The following SAMD5 variants were observed in gnomAD, a reference collection of about 807,000 sequenced individuals.
The protein encoded by SAMD5 is sterile alpha motif domain containing 5.
A neutral mutation model predicts 11.3 loss-of-function variants in SAMD5; 13 were observed. That is an observed-to-expected ratio of 1.15 (90% CI 0.75 to 1.83). The LOEUF is 1.83. Among genes scored for constraint, SAMD5 ranks in the 40% most tolerant of loss-of-function variants. The pLI is 0.00. For missense variants in SAMD5, 255 were observed against 239.1 expected (o/e 1.07, Z -0.44); for synonymous variants, 129 against 111.3 (o/e 1.16, Z -1.00).
intron 1 of SAMD5, among the ~76,000 whole-genome samples, chr6:147,661,812 G>A (rs1481606026): frequency 2.6e-5 from 4 of 151,866 alleles, no homozygotes; most frequent in Non-Finnish European, 4.4e-5. Flanking sequence ...TGTATTTTTC[G>A]TAGAAACGGG....
the SAMD5 span, among the ~76,000 whole-genome samples, chr6:147,835,163 G>A: frequency 1.3e-5 from 2 of 151,210 alleles, no homozygotes; most frequent in Non-Finnish European, 2.9e-5. Context: ...AACCTGGGAG[G>A]TGGAGGTTGC....
the SAMD5 span, among the ~76,000 whole-genome samples, chr6:147,798,178 C>A: frequency 6.8e-6 from 1 of 146,600 alleles, no homozygotes; most frequent in African/African-American, 2.6e-5. Context: ...AATTTTGGAT[C>A]TTTCCTGCTT....
At chr6:147,531,906 G>A (rs916374611) in intron 1 of SAMD5, among the ~76,000 whole-genome samples, 1 of 152,050 alleles carries the variant, frequency 6.6e-6, no homozygotes, top group Non-Finnish European at 1.5e-5. Flanking sequence ...GGAAATAGGA[G>A]AATTATACTC....
In SAMD5 at chr6:147,685,366, A is replaced by C. The variant is rs759978309; in HGVS notation, c.163-51951A>C. Among the ~76,000 whole-genome samples, 144 of 151,926 alleles carry C rather than the reference A, an allele frequency of 9.5e-4. 1 individual carries two copies. The highest frequency in any genetic ancestry group is 1.8e-3 in the East Asian group (9 of 5,136). On this transcript the variant is annotated intron_variant, in intron 1 of 1. Coordinates refer to the SAMD5 transcript ENST00000566741. ...TGTTTGTATTTTTAGTAGAGACAGGATTTCACCATGTTGCCAAGGCTGGTC... is the reference window on the plus strand; with the variant it reads ...TGTTTGTATTTTTAGTAGAGACAGGCTTTCACCATGTTGCCAAGGCTGGTC...
intron 1 of SAMD5, among the ~76,000 whole-genome samples, chr6:147,723,629 G>A (rs1363636880): frequency 6.6e-6 from 1 of 152,024 alleles, no homozygotes; most frequent in East Asian, 1.9e-4. Context: ...CTCATGTCTG[G>A]GGCTCCTGAT....
the SAMD5 span, among the ~76,000 whole-genome samples, chr6:147,875,483 C>T: frequency 2.6e-5 from 4 of 152,114 alleles, no homozygotes; most frequent in Non-Finnish European, 4.4e-5. Context: ...AATTTCCATT[C>T]GACTATCTCA....
intron 1 of SAMD5, among the ~76,000 whole-genome samples, chr6:147,684,831 T>A (rs1790986873): frequency 6.6e-6 from 1 of 152,222 alleles, no homozygotes; most frequent in Non-Finnish European, 1.5e-5. Flanking sequence ...ACAATTGTTC[T>A]GGGTCCTTTA....
the SAMD5 span, among the ~76,000 whole-genome samples, chr6:147,745,647 G>A: frequency 3.9e-5 from 6 of 152,114 alleles, no homozygotes; most frequent in Admixed American, 2.6e-4. Context: ...TTCACAAAGT[G>A]CACACTGTCC....
At chr6:147,553,157 G>C (rs1017550017) in intron 1 of SAMD5, among the ~76,000 whole-genome samples, 1 of 152,184 alleles carries the variant, frequency 6.6e-6, no homozygotes, top group Non-Finnish European at 1.5e-5. Context: ...TAATCCTCAT[G>C]ATAACTCTCT....
intron 1 of SAMD5, among the ~76,000 whole-genome samples, chr6:147,537,646 C>T (rs1480560051): frequency 6.6e-6 from 1 of 151,678 alleles, no homozygotes; most frequent in East Asian, 1.9e-4. Flanking sequence ...CCCAGCTACT[C>T]GGGAGGCTGA....
chr6:147,693,966 C>G (rs1233380888), intron 1 of SAMD5, among the ~76,000 whole-genome samples: 1 of 151,962 alleles, frequency 6.6e-6, no homozygotes, highest in East Asian at 1.9e-4. Context: ...GACTTTGTCT[C>G]AAAAAAATTG....
At chr6:147,643,138 C>T (rs754133789) in intron 1 of SAMD5, among the ~76,000 whole-genome samples, 5 of 152,106 alleles carry the variant, frequency 3.3e-5, no homozygotes, top group Non-Finnish European at 7.4e-5. Flanking sequence ...CAAATCCTCA[C>T]GTTGAAGGGC....
chr6:147,585,292 A>G (rs1789358392), intron 1 of SAMD5, among the ~76,000 whole-genome samples: 1 of 152,172 alleles, frequency 6.6e-6, no homozygotes. Flanking sequence ...TCCAAATGCC[A>G]CTGTAACTAT....
At chr6:147,585,099 T>C (rs947864077) in intron 1 of SAMD5, among the ~76,000 whole-genome samples, 6 of 152,156 alleles carry the variant, frequency 3.9e-5, no homozygotes. Context: ...CCCACTTCCA[T>C]GAGCCACTCT....
At chr6:147,737,196 C>A in intron 1 of SAMD5, 1 of 322,138 alleles carries the variant, frequency 3.1e-6, no homozygotes. Context: ...TTATAATTGA[C>A]AGCATGTCCC....
chr6:147,860,933 C>A, the SAMD5 span, among the ~76,000 whole-genome samples: 1 of 152,188 alleles, frequency 6.6e-6, no homozygotes, highest in East Asian at 1.9e-4. Flanking sequence ...GAAGAGATAA[C>A]AGGAATACGT....
chr6:147,639,442 C>T (rs1790277898), intron 1 of SAMD5, among the ~76,000 whole-genome samples: 1 of 152,166 alleles, frequency 6.6e-6, no homozygotes, highest in South Asian at 2.1e-4. Flanking sequence ...GTTCAGATCC[C>T]TCAAAGCACA....
chr6:147,929,467 T>C, the SAMD5 span, among the ~76,000 whole-genome samples: 1 of 152,214 alleles, frequency 6.6e-6, no homozygotes, highest in Non-Finnish European at 1.5e-5. Flanking sequence ...TTTATCTTTC[T>C]CACCTTGAAA....
the SAMD5 span, among the ~76,000 whole-genome samples, chr6:147,769,221 A>C: frequency 2.0e-4 from 31 of 152,362 alleles, no homozygotes; most frequent in East Asian, 1.5e-3. Flanking sequence ...AGTACGTATT[A>C]GCCATTTTTA....
Sources: gnomAD v4.1 joint callset for allele counts (sites outside exome capture counted in the v4.1 genomes callset) on GRCh38, gnomAD v4.1.1 for gene constraint, MANE v1.5 for transcripts, NCBI Gene and HGNC (gene_info 2026-07-23, HGNC 2026-07-21) for gene names.